Variants in SUSD6 observed in about 807,000 individuals in gnomAD.
The protein encoded by SUSD6 is sushi domain containing 6, also known as sushi domain-containing protein 6.
In SUSD6, 16 loss-of-function variants were observed where a neutral mutation model predicts 28.4. The observed-to-expected ratio is 0.56, with a 90% CI of 0.38 to 0.86. The LOEUF is 0.86. Among genes scored for constraint, SUSD6 ranks in the 40% least tolerant of loss-of-function variants. The pLI, the probability that SUSD6 is intolerant of heterozygous loss-of-function variation, is 0.00. For synonymous variants in SUSD6, 147 were observed against 159.6 expected (o/e 0.92, Z 0.59); for missense variants, 341 against 384.2 (o/e 0.89, Z 0.94).
At chr14:69,664,750 A>G (rs1885713991) in intron 2 of SUSD6, among the ~76,000 whole-genome samples, 1 of 152,186 alleles carries the variant, frequency 6.6e-6, no homozygotes, top group African/African-American at 2.4e-5. Flanking sequence ...CACAGATTCC[A>G]TCTGCTGAGC....
intron 1 of SUSD6, among the ~76,000 whole-genome samples, chr14:69,639,956 G>GTTTTTTTTTTTTTTTT (rs11463756): frequency 3.7e-5 from 3 of 81,648 alleles, no homozygotes; most frequent in South Asian, 1.2e-3. Flanking sequence ...CACCTACACT[G>GTTTTTTTTTTTTTTTT]TTTTTTTTTT....
chr14:69,682,609 A>G (rs1243609293), intron 2 of SUSD6, among the ~76,000 whole-genome samples: 2 of 152,214 alleles, frequency 1.3e-5, no homozygotes, highest in Non-Finnish European at 2.9e-5. Flanking sequence ...TCACTGTGCA[A>G]TTGTTTTAAA....
chr14:69,650,573 G>A (rs1418801192), intron 1 of SUSD6, among the ~76,000 whole-genome samples: 1 of 152,158 alleles, frequency 6.6e-6, no homozygotes, highest in African/African-American at 2.4e-5. Flanking sequence ...GTTTGGAGAA[G>A]GGGTTTCCTA....
intron 2 of SUSD6, among the ~76,000 whole-genome samples, chr14:69,698,329 C>CACAA (rs915982758): frequency 6.6e-6 from 1 of 152,024 alleles, no homozygotes; most frequent in African/African-American, 2.4e-5. Context: ...CGAGACTCAT[C>CACAA]ACAAACAAAC....
At chr14:69,632,722 C>T (rs935220847) in intron 1 of SUSD6, among the ~76,000 whole-genome samples, 1 of 151,816 alleles carries the variant, frequency 6.6e-6, no homozygotes, top group African/African-American at 2.4e-5. Flanking sequence ...CAGAAACAGG[C>T]AGAATGGCTG....
In SUSD6 at chr14:69,708,696, GGGGAC is replaced by G. The variant is rs1566609048; in HGVS notation, c.479_483del (p.Gly160AlafsTer32). 1 of 1,584,594 alleles carries G rather than the reference GGGGAC, an allele frequency of 6.3e-7. No individual in the cohort carries two copies. The highest frequency in any genetic ancestry group is 1.1e-5 in the South Asian group (1 of 87,476). On this transcript the variant is annotated frameshift_variant, in exon 5 of 6. Coordinates refer to ENST00000342745, the MANE Select transcript of SUSD6 (RefSeq NM_014734.4). LOFTEE classifies it high-confidence loss of function. ...CTCCAGGCGTGACCAGGGGGTATCT[GGGGAC>G]CAGGTCTCCATCATGGTGGATGGAG...
rs543478763 is a variant in SUSD6, at chr14:69,616,761, A to G, written c.-81+4933A>G. Among the ~76,000 whole-genome samples the G allele has an allele frequency of 5.9e-5, 9 of 152,264 alleles. No homozygotes were observed. The South Asian group carries it at 1.5e-3, about 25-fold the overall frequency. On this transcript the variant is annotated intron_variant, in intron 1 of 5. Transcript: ENST00000342745. The stretch of plus-strand genomic sequence containing the variant: ...TGTATTCTGTTTTTTCCATCTTCAG[A>G]TGGTAGTACCTGTACATTCAGCTTT...
chr14:69,641,645 A>C (rs1049252110), intron 1 of SUSD6, among the ~76,000 whole-genome samples: 1 of 152,112 alleles, frequency 6.6e-6, no homozygotes, highest in African/African-American at 2.4e-5. Context: ...GCTGGAGTGC[A>C]GTGCTGTGAT....
intron 1 of SUSD6, among the ~76,000 whole-genome samples, chr14:69,647,704 G>T (rs932919175): frequency 2.6e-5 from 4 of 152,084 alleles, no homozygotes; most frequent in Non-Finnish European, 5.9e-5. Flanking sequence ...CAGGATTTGG[G>T]CTGGGTACAG....
At chr14:69,639,048 G>A (rs1307763185) in intron 1 of SUSD6, among the ~76,000 whole-genome samples, 1 of 152,156 alleles carries the variant, frequency 6.6e-6, no homozygotes, top group Non-Finnish European at 1.5e-5. Flanking sequence ...AGGCCAGGCC[G>A]GGTGCAGTGG....
chr14:69,664,887 A>G (rs139833656), intron 2 of SUSD6, among the ~76,000 whole-genome samples: 64 of 152,344 alleles, frequency 4.2e-4, no homozygotes, highest in East Asian at 1.5e-3. Context: ...TCAGTCTTCA[A>G]TGATTCTAGG....
At chr14:69,639,956 G>T (rs199608849) in intron 1 of SUSD6, among the ~76,000 whole-genome samples, 113 of 81,636 alleles carry the variant, frequency 1.4e-3, no homozygotes, top group South Asian at 4.2e-3. Flanking sequence ...CACCTACACT[G>T]TTTTTTTTTT....
In SUSD6 at chr14:69,671,638, C is replaced by T. The variant is rs192921150; in HGVS notation, c.121+12925C>T. Reference sequence around the variant, plus strand: ...GGGAGAAGAGTGGAGGAGCAGCTGGCGTCTGGGCCCTTCAGATGTATTCCA... The same window carrying T: ...GGGAGAAGAGTGGAGGAGCAGCTGGTGTCTGGGCCCTTCAGATGTATTCCA... On this transcript the variant is annotated intron_variant, in intron 2 of 5. Coordinates refer to ENST00000342745, the MANE Select transcript of SUSD6 (RefSeq NM_014734.4). Among the ~76,000 whole-genome samples the T allele has an allele frequency of 2.0e-4, 30 of 152,248 alleles. No individual in the cohort carries two copies. In the East Asian group the frequency reaches 5.4e-3, roughly 27 times the overall value.
chr14:69,640,962 G>A (rs2139602833), intron 1 of SUSD6, among the ~76,000 whole-genome samples: 1 of 152,318 alleles, frequency 6.6e-6, no homozygotes, highest in African/African-American at 2.4e-5. Flanking sequence ...AGTTTCAGAG[G>A]ATACTGTACT....
At chr14:69,689,344 G>C (rs147296525) in intron 2 of SUSD6, among the ~76,000 whole-genome samples, 3 of 152,246 alleles carry the variant, frequency 2.0e-5, no homozygotes, top group Non-Finnish European at 4.4e-5. Flanking sequence ...TTGGTACTTA[G>C]TAAAAACTTG....
chr14:69,661,688 T>C (rs903155950), intron 2 of SUSD6, among the ~76,000 whole-genome samples: 9 of 152,316 alleles, frequency 5.9e-5, no homozygotes, highest in African/African-American at 2.2e-4. Context: ...GTGCCTGGCA[T>C]AAGCAGCATG....
intron 1 of SUSD6, among the ~76,000 whole-genome samples, chr14:69,619,893 G>A (rs1490088402): frequency 1.3e-5 from 2 of 152,100 alleles, no homozygotes; most frequent in Non-Finnish European, 2.9e-5. Context: ...GCTGTGTCTC[G>A]ACTTCCTTGG....
intron 2 of SUSD6, among the ~76,000 whole-genome samples, chr14:69,674,633 A>G (rs1885880837): frequency 6.6e-6 from 1 of 152,076 alleles, no homozygotes; most frequent in Admixed American, 6.5e-5. Context: ...TCACTGTCCT[A>G]GGGGAATTTG....
At chr14:69,617,848 A>G (rs1884981340) in intron 1 of SUSD6, among the ~76,000 whole-genome samples, 2 of 152,194 alleles carry the variant, frequency 1.3e-5, no homozygotes, top group Admixed American at 1.3e-4. Flanking sequence ...GCCAGCCAGC[A>G]AGGTAGGGAG....
Sources: gnomAD v4.1 joint callset for allele counts (sites outside exome capture counted in the v4.1 genomes callset) on GRCh38, gnomAD v4.1.1 for gene constraint, MANE v1.5 for transcripts, NCBI Gene and HGNC (gene_info 2026-07-23, HGNC 2026-07-21) for gene names.